Variants in UGT1A9 observed in about 807,000 individuals in gnomAD.
UGT1A9 encodes UDP-glucuronosyltransferase 1A9.
UGT1A9 carries 35 observed loss-of-function variants against 45.0 expected under a neutral mutation model. The observed-to-expected ratio is 0.78, with a 90% CI of 0.59 to 1.03. The LOEUF (loss-of-function observed/expected upper bound fraction) is 1.03. Ranked by LOEUF, UGT1A9 falls within the 50% of genes least tolerant of loss-of-function variation. The pLI is 0.00. For missense variants in UGT1A9, 687 were observed against 666.6 expected (o/e 1.03, Z -0.34); for synonymous variants, 278 against 250.6 (o/e 1.11, Z -1.03).
intron 1 of UGT1A9, chr2:233,744,024 G>T: frequency 1.1e-6 from 1 of 951,358 alleles, no homozygotes; most frequent in Non-Finnish European, 1.4e-6. Flanking sequence ...CTGGAGAGAC[G>T]CCCCTTATGA....
rs1464926221 is a variant in UGT1A9, at chr2:233,757,539, T to A, written c.856-9495T>A. ...GCCAAAATCTTGCCTGTAAGGAATA[T>A]ATATATATATATATATATATATGTA... On this transcript the variant is annotated intron_variant, in intron 1 of 4. Coordinates refer to ENST00000354728, the MANE Select transcript of UGT1A9 (RefSeq NM_021027.3). 4.5e-4 allele frequency among the ~76,000 whole-genome samples: 52 copies of A among 115,728 alleles called. 1 individual carries two copies. Among genetic ancestry groups the A allele is most frequent in the African/African-American group, 1.8e-3 (48 of 26,632 alleles). 75.9% of individuals were successfully genotyped at this position (115,728 alleles called of 152,430 possible). A position where few individuals can be genotyped will look rare whatever the true frequency, so the allele number is the denominator to read the frequency against.
At chr2:233,718,714 A>C in intron 1 of UGT1A9, 1 of 1,607,990 alleles carries the variant, frequency 6.2e-7, no homozygotes, top group Non-Finnish European at 8.5e-7. Flanking sequence ...TTCCAATTAC[A>C]TGCTGATTTG....
At chr2:233,727,155 T>C (rs2077588603) in intron 1 of UGT1A9, among the ~76,000 whole-genome samples, 1 of 152,182 alleles carries the variant, frequency 6.6e-6, no homozygotes, top group South Asian at 2.1e-4. Flanking sequence ...GGTCAGTCTT[T>C]CAGGATGCTT....
intron 1 of UGT1A9, chr2:233,747,304 G>A: frequency 6.2e-7 from 1 of 1,602,730 alleles, no homozygotes; most frequent in East Asian, 2.2e-5. Flanking sequence ...GAGTGGGAAG[G>A]TGCTGGTGGT....
chr2:233,765,338 A>G lies in UGT1A9; in HGVS notation c.856-1696A>G, dbSNP rs1698804627. On this transcript the variant is annotated intron_variant, in intron 1 of 4. Transcript: ENST00000354728. ...TTATTGCAGCACTATTCACAATAAC[A>G]AAGTCATGGAACCAACCCAGATGCC... Among the ~76,000 whole-genome samples the G allele has an allele frequency of 3.9e-5, 6 of 152,242 alleles. No individual in the cohort carries two copies. In the South Asian group the frequency reaches 1.0e-3, roughly 26 times the overall value.
chr2:233,712,954 G>A (rs367675101), intron 1 of UGT1A9: 7 of 1,612,846 alleles, frequency 4.3e-6, no homozygotes, highest in South Asian at 3.3e-5. Context: ...GAGGCACAAC[G>A]TGGGGTGGAC....
At chr2:233,758,762 G>A (rs1375846813) in intron 1 of UGT1A9, among the ~76,000 whole-genome samples, 1 of 152,150 alleles carries the variant, frequency 6.6e-6, no homozygotes, top group Non-Finnish European at 1.5e-5. Flanking sequence ...TGATGTGTAT[G>A]GTTCAAATGT....
chr2:233,701,855 G>A (rs1575472427), intron 1 of UGT1A9, among the ~76,000 whole-genome samples: 2 of 152,134 alleles, frequency 1.3e-5, no homozygotes, highest in East Asian at 1.9e-4. Flanking sequence ...GTGTGTAGAG[G>A]GAAATTTATA....
intron 1 of UGT1A9, among the ~76,000 whole-genome samples, chr2:233,685,021 G>A (rs1484971978): frequency 6.6e-6 from 1 of 152,164 alleles, no homozygotes; most frequent in African/African-American, 2.4e-5. Flanking sequence ...GTATGTGTCT[G>A]TATGTGCAGG....
chr2:233,682,860 A>T, intron 1 of UGT1A9: 1 of 1,526,442 alleles, frequency 6.6e-7, no homozygotes, highest in Non-Finnish European at 8.8e-7. Context: ...TTCTTACAGA[A>T]TCATAATTTA....
chr2:233,716,576 A>G, intron 1 of UGT1A9, among the ~76,000 whole-genome samples: 1 of 152,194 alleles, frequency 6.6e-6, no homozygotes. Flanking sequence ...TAAAAACAAT[A>G]CTTTCAAAGA....
chr2:233,750,940 C>A (rs1694595221), intron 1 of UGT1A9, among the ~76,000 whole-genome samples: 1 of 151,854 alleles, frequency 6.6e-6, no homozygotes, highest in Non-Finnish European at 1.5e-5. Flanking sequence ...TTGGAGCCCC[C>A]ACACAGAGTC....
At chr2:233,692,262 T>G (rs1402145203) in intron 1 of UGT1A9, 1 of 152,496 alleles carries the variant, frequency 6.6e-6, no homozygotes, top group East Asian at 1.9e-4. Flanking sequence ...TCTTGTTCTT[T>G]GTACTTTTTC....
rs545296603 is a variant in UGT1A9, at chr2:233,723,272, C to T, written c.856-43762C>T. On this transcript the variant is annotated intron_variant, in intron 1 of 4. Transcript: ENST00000354728. Reference sequence around the variant, plus strand: ...TCACCCAGGCTGGAGTGCAATGGCACGATGTTGGCTCACTGCAACCTCTGC... The same window carrying T: ...TCACCCAGGCTGGAGTGCAATGGCATGATGTTGGCTCACTGCAACCTCTGC... 7.1e-5 allele frequency among the ~76,000 whole-genome samples: 8 copies of T among 111,932 alleles called. 2 individuals carry two copies. In the East Asian group the frequency reaches 1.2e-3, roughly 16 times the overall value. The allele number at this position is 111,932 out of a possible 152,430, so 73.4% of individuals were successfully genotyped here.
chr2:233,705,256 A>G (rs995446816), intron 1 of UGT1A9, among the ~76,000 whole-genome samples: 2 of 152,108 alleles, frequency 1.3e-5, no homozygotes, highest in Non-Finnish European at 2.9e-5. Flanking sequence ...AGATTATTCT[A>G]TGGGGTCACT....
intron 1 of UGT1A9, among the ~76,000 whole-genome samples, chr2:233,749,634 C>A (rs1417032704): frequency 6.6e-6 from 1 of 151,820 alleles, no homozygotes; most frequent in East Asian, 1.9e-4. Context: ...GTATCCCCCA[C>A]CAAATCTCAT....
intron 1 of UGT1A9, among the ~76,000 whole-genome samples, chr2:233,725,500 A>C (rs2125714454): frequency 6.6e-6 from 1 of 152,210 alleles, no homozygotes; most frequent in East Asian, 1.9e-4. Flanking sequence ...GAAACCACTG[A>C]AATTAATTTT....
At chr2:233,759,578 C>T (rs1477020386) in intron 1 of UGT1A9, among the ~76,000 whole-genome samples, 1 of 151,810 alleles carries the variant, frequency 6.6e-6, no homozygotes, top group East Asian at 1.9e-4. Context: ...ATTCTCTACC[C>T]CAGCACGCCC....
intron 1 of UGT1A9, chr2:233,761,004 G>A: frequency 6.2e-7 from 1 of 1,614,118 alleles, no homozygotes; most frequent in African/African-American, 1.3e-5. Flanking sequence ...AATTCCTTCA[G>A]AGAGAGGTGA....
Sources: allele counts gnomAD v4.1 joint callset (sites outside exome capture counted in the v4.1 genomes callset), GRCh38; gene constraint gnomAD v4.1.1; transcripts MANE v1.5; gene names NCBI Gene and HGNC (gene_info 2026-07-23, HGNC 2026-07-21).